WASF1: variants seen among roughly 807,000 people sequenced by gnomAD.
The protein encoded by WASF1 is WASP family member 1.
Under a neutral mutation model 50.5 loss-of-function variants are expected in WASF1, and 7 were observed. That is an observed-to-expected ratio of 0.14 (90% CI 0.08 to 0.26). The LOEUF is 0.26. Among genes scored for constraint, WASF1 ranks in the 10% least tolerant of loss-of-function variants. The pLI is 1.00. For missense variants in WASF1, 470 were observed against 694.7 expected, an observed-to-expected ratio of 0.68 and a Z score of 3.64; for synonymous variants, 205 against 244.0, an observed-to-expected ratio of 0.84 and a Z score of 1.49.
intron 2 of WASF1, among the ~76,000 whole-genome samples, chr6:110,175,656 G>A (rs1004953264): frequency 5.3e-5 from 8 of 152,070 alleles, no homozygotes; most frequent in Admixed American, 6.6e-5. Flanking sequence ...GTAAAGTCAC[G>A]CAGAAGACTG....
chr6:110,121,929 C>G (rs543041585), intron 4 of WASF1, among the ~76,000 whole-genome samples: 1 of 151,674 alleles, frequency 6.6e-6, no homozygotes, highest in Non-Finnish European at 1.5e-5. Flanking sequence ...AAAACTATCA[C>G]AAGGTTGGAA....
rs1773103905 is a variant in WASF1 at position 110,101,804 on chromosome 6, C to T, written c.1306G>A (p.Gly436Ser). ...PPPPPPLPPP[G>S]IRPSSPVTVT... ...GTGACAGGTGATGATGGTCGAATGC[C>T]AGGTGGAGGCAGAGGAGGCGGTGGT... The change falls in exon 10 of 11, where the codon GGC becomes AGC. Residue 436 changes from glycine (G) to serine (S), a missense_variant. This residue lies in a region of WASF1 where 294 missense variants were observed against 343.5 expected (regional missense o/e 0.86). Transcript: ENST00000392589. 1.9e-6 allele frequency: 3 copies of T among 1,613,914 alleles called. No individual in the cohort carries two copies. Among genetic ancestry groups the T allele is most frequent in the Non-Finnish European group, 2.5e-6 (3 of 1,179,994 alleles).
Position 110,121,119 on chromosome 6 carries a change from A to C in WASF1, c.133+6350T>G, listed in dbSNP as rs185188785. Among the ~76,000 whole-genome samples the C allele has an allele frequency of 1.1e-4, 16 of 152,348 alleles. No individual in the cohort carries two copies. The South Asian group carries it at 1.9e-3, about 18-fold the overall frequency. On this transcript the variant is annotated intron_variant, in intron 4 of 10. Transcript: ENST00000392589. ...ACCTAGGCAATACCATTCAGGACAT[A>C]GGCATGGGCAAACACTTCATGACTA...
At chr6:110,122,814 T>C (rs1052183604) in intron 4 of WASF1, among the ~76,000 whole-genome samples, 3 of 152,170 alleles carry the variant, frequency 2.0e-5, no homozygotes, top group African/African-American at 7.2e-5. Context: ...TATAGGCAGT[T>C]AAGTTTTGGG....
intron 4 of WASF1, 130 bp downstream of exon 4, chr6:110,127,339 T>C (rs1774464164): frequency 2.7e-6 from 2 of 735,592 alleles, no homozygotes; most frequent in South Asian, 4.8e-5. Flanking sequence ...CATGTGACTA[T>C]ATTTTTCAGG....
intron 3 of WASF1, among the ~76,000 whole-genome samples, chr6:110,129,073 T>C (rs1363839507): frequency 1.3e-5 from 2 of 151,930 alleles, no homozygotes; most frequent in Non-Finnish European, 2.9e-5. Context: ...TGCTCTAGTC[T>C]ACAAATCACT....
chr6:110,124,055 A>G (rs1192188371), intron 4 of WASF1, among the ~76,000 whole-genome samples: 1 of 151,886 alleles, frequency 6.6e-6, no homozygotes, highest in Non-Finnish European at 1.5e-5. Context: ...TGCTTTGTGC[A>G]GATAAGGGAA....
intron 3 of WASF1, among the ~76,000 whole-genome samples, chr6:110,134,581 C>T (rs375788736): frequency 3.4e-4 from 52 of 152,072 alleles, no homozygotes; most frequent in African/African-American, 1.1e-3. Context: ...CCCACCACCA[C>T]GCCTGGCTAA....
At chr6:110,154,829 A>C (rs1775987839) in intron 3 of WASF1, among the ~76,000 whole-genome samples, 2 of 152,128 alleles carry the variant, frequency 1.3e-5, no homozygotes, top group South Asian at 4.1e-4. Context: ...AAAATCAGGG[A>C]ATTTGGATAA....
At chr6:110,170,952 A>G (rs926807514) in intron 2 of WASF1, among the ~76,000 whole-genome samples, 11 of 152,180 alleles carry the variant, frequency 7.2e-5, no homozygotes, top group African/African-American at 2.7e-4. Context: ...GCAAAAACTG[A>G]TAAAACTACA....
chr6:110,131,492 C>T (rs149797402), intron 3 of WASF1, among the ~76,000 whole-genome samples: 5 of 152,228 alleles, frequency 3.3e-5, no homozygotes, highest in Non-Finnish European at 7.4e-5. Flanking sequence ...TTTTGACTAA[C>T]CTAGAGCTAA....
intron 3 of WASF1, among the ~76,000 whole-genome samples, chr6:110,136,182 C>T (rs1183953293): frequency 2.6e-5 from 4 of 152,038 alleles, no homozygotes; most frequent in Admixed American, 2.0e-4. Context: ...CTGCGCCCAG[C>T]CAAAATGGTC....
chr6:110,142,910 T>C (rs1252408779), intron 3 of WASF1, among the ~76,000 whole-genome samples: 3 of 128,218 alleles, frequency 2.3e-5, no homozygotes, highest in Non-Finnish European at 3.2e-5. Context: ...GACTATTATA[T>C]AACACATGTG....
At chr6:110,166,439 T>C (rs189697126) in intron 2 of WASF1, among the ~76,000 whole-genome samples, 2 of 152,000 alleles carry the variant, frequency 1.3e-5, no homozygotes, top group Admixed American at 1.3e-4. Context: ...TTACTCATTT[T>C]ATAGAGAGCA....
intron 3 of WASF1, among the ~76,000 whole-genome samples, chr6:110,149,638 C>T (rs1262798815): frequency 2.0e-5 from 3 of 152,194 alleles, no homozygotes; most frequent in East Asian, 3.8e-4. Context: ...TCTAAGTTCA[C>T]AAAATCAGTG....
At position 110,166,864 on chromosome 6, in the gene WASF1, A is replaced by T. The variant is rs147651541; in HGVS notation, c.-126-6132T>A. Among the ~76,000 whole-genome samples the T allele has an allele frequency of 2.9e-4, 44 of 152,076 alleles. No homozygotes were observed. In the East Asian group the frequency reaches 7.7e-3, roughly 27 times the overall value. On this transcript the variant is annotated intron_variant, in intron 2 of 10. Transcript: ENST00000392589. ...TAGCATAAAGCCTGGCATATAACAC[A>T]CAAAACTCAAAAATGTTTATTTTTT... is the stretch of plus-strand genomic sequence containing the variant.
At chr6:110,135,606 G>A (rs79076520) in intron 3 of WASF1, among the ~76,000 whole-genome samples, 2 of 151,622 alleles carry the variant, frequency 1.3e-5, no homozygotes, top group African/African-American at 4.8e-5. Flanking sequence ...AGCTACCCAT[G>A]ATCTTATTCT....
intron 4 of WASF1, among the ~76,000 whole-genome samples, chr6:110,117,632 G>A (rs185723866): frequency 6.6e-6 from 1 of 152,064 alleles, no homozygotes; most frequent in Non-Finnish European, 1.5e-5. Context: ...AGCAAGGAAG[G>A]CCAGCATTCA....
chr6:110,167,412 C>T (rs1485751768), intron 2 of WASF1, among the ~76,000 whole-genome samples: 1 of 151,788 alleles, frequency 6.6e-6, no homozygotes, highest in Non-Finnish European at 1.5e-5. Context: ...CCTCTGAAGA[C>T]CTTCCAGTGG....
Sources: allele counts gnomAD v4.1 joint callset (sites outside exome capture counted in the v4.1 genomes callset), GRCh38; gene constraint gnomAD v4.1.1; regional missense constraint gnomAD v4.1.1; transcripts MANE v1.5; gene names NCBI Gene and HGNC (gene_info 2026-07-23, HGNC 2026-07-21).